Variants in THOC2 observed in about 807,000 individuals in gnomAD.
The protein encoded by THOC2 is THO complex subunit 2.
THOC2 carries 10 observed loss-of-function variants against 128.4 expected under a neutral mutation model. The observed-to-expected ratio is 0.08, with a 90% CI of 0.05 to 0.13. THOC2 has a LOEUF of 0.13. Ranked by LOEUF, THOC2 falls within the 10% of genes least tolerant of loss-of-function variation. The pLI, the probability that THOC2 is intolerant of heterozygous loss-of-function variation, is 1.00. For missense variants in THOC2, 535 were observed against 1,155.7 expected, an observed-to-expected ratio of 0.46 and a Z score of 7.79; for synonymous variants, 393 against 396.9, an observed-to-expected ratio of 0.99 and a Z score of 0.12.
At chrX:123,626,893 C>T (rs1415448690) in intron 23 of THOC2, among the ~76,000 whole-genome samples, 1 of 111,613 alleles carries the variant, frequency 9.0e-6, no homozygotes, top group Admixed American at 9.5e-5. Flanking sequence ...CTATTAGTCT[C>T]AGGCATGGTG....
intron 12 of THOC2, among the ~76,000 whole-genome samples, chrX:123,662,524 C>T (rs2048876047): frequency 9.9e-6 from 1 of 101,398 alleles, no homozygotes. Context: ...GGAGGCGGAG[C>T]TTGCAGTGAG....
intron 7 of THOC2, among the ~76,000 whole-genome samples, chrX:123,694,606 T>TAA (rs140914528): frequency 3.8e-4 from 26 of 68,872 alleles, no homozygotes; most frequent in Middle Eastern, 6.9e-3. Context: ...AGACTCCATC[T>TAA]AAAAAAAAAA....
intron 15 of THOC2, 133 bp downstream of exon 15, chrX:123,644,442 A>C (rs1342338301): frequency 5.1e-6 from 2 of 392,253 alleles, no homozygotes; most frequent in East Asian, 4.1e-5. Flanking sequence ...TTCCATCTGT[A>C]GTATATAAAT....
chrX:123,623,052 T>C (rs1173954933), intron 29 of THOC2, 53 bp downstream of exon 29: 5 of 1,110,146 alleles, frequency 4.5e-6, no homozygotes, highest in East Asian at 3.0e-5. Context: ...ACAAAACATT[T>C]CACTTTGTTG....
At chrX:123,609,559 A>G (rs1173311788) in intron 38 of THOC2, among the ~76,000 whole-genome samples, 1 of 112,095 alleles carries the variant, frequency 8.9e-6, no homozygotes, top group Non-Finnish European at 1.9e-5. Context: ...ACTGGTAAAC[A>G]GCCTTGGTTA....
At chrX:123,700,518 G>A (rs2050650062) in intron 4 of THOC2, among the ~76,000 whole-genome samples, 1 of 79,725 alleles carries the variant, frequency 1.3e-5, no homozygotes, top group Non-Finnish European at 2.4e-5. Context: ...GGGGCTGGGG[G>A]CGGCGGGGGG....
At chrX:123,706,747 T>A in intron 3 of THOC2, 111 bp downstream of exon 3, 1 of 342,930 alleles carries the variant, frequency 2.9e-6, no homozygotes, top group Non-Finnish European at 4.9e-6. Flanking sequence ...TAAAAATCCA[T>A]CCACTTCTAT....
chrX:123,724,725 C>A (rs1175715838), intron 1 of THOC2, among the ~76,000 whole-genome samples: 1 of 111,144 alleles, frequency 9.0e-6, no homozygotes, highest in Non-Finnish European at 1.9e-5. Context: ...TGGAGAGCAT[C>A]TACTAAATTA....
chrX:123,663,154 G>A (rs772060716), intron 12 of THOC2, among the ~76,000 whole-genome samples: 1 of 111,874 alleles, frequency 8.9e-6, no homozygotes, highest in South Asian at 3.8e-4. Context: ...AATATTGAAA[G>A]CAGCTTTATA....
chrX:123,721,503 T>C (rs867836800), intron 1 of THOC2, among the ~76,000 whole-genome samples: 54 of 105,585 alleles, frequency 5.1e-4, no homozygotes, highest in African/African-American at 1.7e-3. Context: ...ACACATCCTT[T>C]TGGCTCGCAT....
intron 7 of THOC2, among the ~76,000 whole-genome samples, chrX:123,691,331 T>C (rs753519623): frequency 5.4e-5 from 6 of 112,104 alleles, no homozygotes; most frequent in Non-Finnish European, 1.1e-4. Context: ...GAAACTTCAA[T>C]AATGTAAAAA....
chrX:123,665,631 A>G lies in THOC2; in HGVS notation c.1386+11T>C, dbSNP rs1378210472. On this transcript the variant is annotated intron_variant, in intron 12 of 38. Transcript: ENST00000245838. ...TTCAAAATTTAGGTTTGTAAGAAAAATCTTACTTACCTCCTTCATAAATGA... is the reference window on the plus strand; with the variant it reads ...TTCAAAATTTAGGTTTGTAAGAAAAGTCTTACTTACCTCCTTCATAAATGA... 9.1e-7 allele frequency: 1 copy of G among 1,103,127 alleles called. No individual in the cohort carries two copies. Among genetic ancestry groups the G allele is most frequent in the Non-Finnish European group, 1.2e-6 (1 of 831,430 alleles). The allele number at this position is 1,103,127 out of a possible 1,213,427, so 90.9% of individuals were successfully genotyped here.
intron 33 of THOC2, among the ~76,000 whole-genome samples, chrX:123,615,062 A>G (rs1280736374): frequency 1.8e-5 from 2 of 111,747 alleles, no homozygotes; most frequent in African/African-American, 6.5e-5. Flanking sequence ...TAGTCAGGAA[A>G]TAATCAGATA....
intron 12 of THOC2, among the ~76,000 whole-genome samples, chrX:123,658,962 C>T (rs778026836): frequency 8.9e-6 from 1 of 111,866 alleles, no homozygotes; most frequent in East Asian, 2.8e-4. Context: ...TGCTGTGAAC[C>T]TAAAACTGCT....
intron 38 of THOC2, 59 bp from the exon 39 acceptor site, chrX:123,601,397 G>A (rs1313452305): frequency 9.4e-6 from 1 of 105,937 alleles, no homozygotes; most frequent in Non-Finnish European, 1.9e-5. Flanking sequence ...AGGAAAGGAG[G>A]GAGTAGGGGA....
intron 33 of THOC2, among the ~76,000 whole-genome samples, chrX:123,618,417 A>G (rs910794750): frequency 1.8e-5 from 2 of 112,279 alleles, no homozygotes; most frequent in African/African-American, 6.4e-5. Flanking sequence ...CTTAAAAATT[A>G]GTGCCTTATT....
At chrX:123,678,440 G>A (rs1291630000) in intron 8 of THOC2, among the ~76,000 whole-genome samples, 4 of 108,782 alleles carry the variant, frequency 3.7e-5, no homozygotes, top group East Asian at 2.9e-4. Context: ...TAATTTTTCC[G>A]TTTTTGGGTA....
intron 33 of THOC2, among the ~76,000 whole-genome samples, chrX:123,618,627 C>T (rs751293770): frequency 9.0e-6 from 1 of 111,481 alleles, no homozygotes; most frequent in Non-Finnish European, 1.9e-5. Context: ...TTGCTTGTAG[C>T]TTGTAAGAGG....
chrX:123,608,298 G>C (rs2046560715), intron 38 of THOC2, among the ~76,000 whole-genome samples: 1 of 109,589 alleles, frequency 9.1e-6, no homozygotes, highest in African/African-American at 3.3e-5. Flanking sequence ...CTACTAGGGA[G>C]GGTGAGGCAG....
Sources: allele counts gnomAD v4.1 joint callset (sites outside exome capture counted in the v4.1 genomes callset), GRCh38; gene constraint gnomAD v4.1.1; transcripts MANE v1.5; gene names NCBI Gene and HGNC (gene_info 2026-07-23, HGNC 2026-07-21).